The following HDGFL3 variants were observed in gnomAD, a reference collection of about 807,000 sequenced individuals.
The protein encoded by HDGFL3 is hepatoma-derived growth factor-related protein 3.
In HDGFL3, 6 loss-of-function variants were observed where a neutral mutation model predicts 27.6. The ratio of observed to expected loss-of-function variants is 0.22; its 90% CI spans 0.12 to 0.43. HDGFL3 has a LOEUF of 0.43. HDGFL3 is among the 20% of genes least tolerant of loss of function. The pLI is 1.00. For synonymous variants in HDGFL3, 88 were observed against 88.9 expected (o/e 0.99, Z 0.05); for missense variants, 207 against 250.1 (o/e 0.83, Z 1.16).
At chr15:83,115,965 T>C in intron 3 of HDGFL3, 1 of 1,587,130 alleles carries the variant, frequency 6.3e-7, no homozygotes, top group East Asian at 2.2e-5. Context: ...TTAGTGATTA[T>C]GAGGTTTCAA....
intron 3 of HDGFL3, chr15:83,115,786 G>A: frequency 8.9e-7 from 1 of 1,121,312 alleles, no homozygotes; most frequent in Non-Finnish European, 1.4e-6. Context: ...CTGATGCCAA[G>A]CTTGTAGTAA....
rs1446796969 is a variant in HDGFL3, at chr15:83,157,485, T to G, written c.389A>C (p.Glu130Ala). ...CTTTCTTTTGCCTTTTCCATCTTCT[T>G]CTACTCTATCACCTTCTTCCTCACT... Reference protein sequence around the residue: ...ASSEEEGDRVEEDGKGKRKNE... With the variant: ...ASSEEEGDRVAEDGKGKRKNE... Residue 130 changes from glutamate (E) to alanine (A), a missense_variant, in exon 4 of 6, where the codon GAA becomes GCA. Glu to Ala is a moderately radical substitution (Grantham distance 107, BLOSUM62 -1). Transcript: ENST00000299633. 1 of 1,613,168 alleles carries G rather than the reference T, an allele frequency of 6.2e-7. No homozygotes were observed. The highest frequency in any genetic ancestry group is 8.5e-7 in the Non-Finnish European group (1 of 1,179,232).
At chr15:83,144,260 T>A (rs2036845224) in intron 5 of HDGFL3, among the ~76,000 whole-genome samples, 2 of 152,248 alleles carry the variant, frequency 1.3e-5, no homozygotes. Context: ...GAGCCAGTTC[T>A]AATCCTCTTG....
Position 83,136,325 on chromosome 15 carries a change from A to G in HDGFL3, c.*2945T>C. On this transcript the variant is annotated 3_prime_UTR_variant, in exon 6 of 6. Transcript: ENST00000299633. ...ACTAAATTTAATGAAAGACTCTGACATTAAAGACTCTGGATTGTTTGAAGG... is the reference window on the plus strand; with the variant it reads ...ACTAAATTTAATGAAAGACTCTGACGTTAAAGACTCTGGATTGTTTGAAGG... The G allele has an allele frequency of 2.0e-6, 1 of 493,892 alleles. No individual in the cohort carries two copies. The allele number at this position is 493,892 out of a possible 1,614,324, so 30.6% of individuals were successfully genotyped here.
Position 83,207,423 on chromosome 15 carries a change from C to T in HDGFL3, c.-9G>A, listed in dbSNP as rs2037736696. On this transcript the variant is annotated 5_prime_UTR_variant, in exon 1 of 6. Transcript: ENST00000299633. This position sits in a 1 kb window ranked among gnomAD's most constrained non-coding sequence, Gnocchi z 4.8. ...GGCCGCGGACGCGCCATCCCAGCCG[C>T]TCCCCTTCCTGGTAGTCCTTGGTCG... 4 of 1,323,768 alleles carry T rather than the reference C, an allele frequency of 3.0e-6. No homozygotes were observed. The highest frequency in any genetic ancestry group is 2.9e-6 in the Non-Finnish European group (3 of 1,031,412). 82.0% of individuals were successfully genotyped at this position (1,323,768 alleles called of 1,614,324 possible).
rs1435942314 is a variant in HDGFL3, at chr15:83,129,374, AG to A, written c.*9895del. ...GCAAAGATCATGTGGGATATTTTCA[AG>A]GTCCAGGCCTGGCACCAGGTCAACT... On this transcript the variant is annotated 3_prime_UTR_variant, in exon 6 of 6. Coordinates refer to ENST00000299633, the MANE Select transcript of HDGFL3 (RefSeq NM_016073.4). 6.6e-6 allele frequency: 1 copy of A among 152,228 alleles called. No individual in the cohort carries two copies. Among genetic ancestry groups the A allele is most frequent in the Non-Finnish European group, 1.5e-5 (1 of 68,042 alleles). The allele number at this position is 152,228 out of a possible 1,614,324, so 9.4% of individuals were successfully genotyped here. A position where few individuals can be genotyped will look rare whatever the true frequency, so the allele number is the denominator to read the frequency against.
At chr15:83,173,000 G>C (rs1373433303) in intron 1 of HDGFL3, among the ~76,000 whole-genome samples, 2 of 152,188 alleles carry the variant, frequency 1.3e-5, no homozygotes, top group African/African-American at 4.8e-5. Context: ...TCACGTAGAA[G>C]TGGACCCACA....
intron 5 of HDGFL3, among the ~76,000 whole-genome samples, chr15:83,146,400 T>C (rs1276240934): frequency 6.6e-6 from 1 of 152,192 alleles, no homozygotes; most frequent in African/African-American, 2.4e-5. Flanking sequence ...GAAATACTAG[T>C]AGCACCTGCA....
At chr15:83,193,547 T>C (rs2037536863) in intron 1 of HDGFL3, among the ~76,000 whole-genome samples, 1 of 152,084 alleles carries the variant, frequency 6.6e-6, no homozygotes, top group Admixed American at 6.6e-5. Context: ...ACAAATACAA[T>C]TACCATATTG....
rs1651747094 is a variant in HDGFL3, at chr15:83,207,196, G to C, written c.84+135C>G. The C allele has an allele frequency of 2.0e-6, 1 of 504,674 alleles. No individual in the cohort carries two copies. Among genetic ancestry groups the C allele is most frequent in the Non-Finnish European group, 3.1e-6 (1 of 323,784 alleles). 31.3% of individuals were successfully genotyped at this position (504,674 alleles called of 1,614,324 possible). A position where few individuals can be genotyped will look rare whatever the true frequency, so the allele number is the denominator to read the frequency against. ...CCCGGCCCGGTCTTCTTCGTGCCGCGCCGCCCTCAGCCCTCACCACAGCCG... is the reference window on the plus strand; with the variant it reads ...CCCGGCCCGGTCTTCTTCGTGCCGCCCCGCCCTCAGCCCTCACCACAGCCG... On this transcript the variant is annotated intron_variant, in intron 1 of 5. Coordinates refer to ENST00000299633, the MANE Select transcript of HDGFL3 (RefSeq NM_016073.4). The surrounding 1 kb of genome is among the most constrained non-coding windows in gnomAD (Gnocchi z 4.8).
intron 1 of HDGFL3, among the ~76,000 whole-genome samples, chr15:83,197,323 T>G (rs1263914454): frequency 6.6e-6 from 1 of 152,208 alleles, no homozygotes; most frequent in Non-Finnish European, 1.5e-5. Context: ...ACATTTTACA[T>G]ATTTTATGTG....
chr15:83,196,092 T>C (rs950472485), intron 1 of HDGFL3, among the ~76,000 whole-genome samples: 2 of 151,894 alleles, frequency 1.3e-5, no homozygotes, highest in African/African-American at 4.8e-5. Context: ...AGAAATATAA[T>C]AGATATGTTA....
At chr15:83,164,367 CAA>C (rs869303457) in intron 1 of HDGFL3, among the ~76,000 whole-genome samples, 7,551 of 37,856 alleles carry the variant, frequency 0.2, 119 homozygotes, top group African/African-American at 0.28. Flanking sequence ...TTAGAGTAAC[CAA>C]AAAAAAAAAA....
rs566226727 is a variant in HDGFL3 at position 83,127,818 on chromosome 15, T to C, written c.*11452A>G. On this transcript the variant is annotated 3_prime_UTR_variant, in exon 6 of 6. Transcript: ENST00000299633. ...AATACCATGGCTACTAAAAAAGGATTGAGAGCTGTCACCTTCAAAATGTCC... is the reference window on the plus strand; with the variant it reads ...AATACCATGGCTACTAAAAAAGGATCGAGAGCTGTCACCTTCAAAATGTCC... 7.4e-6 allele frequency: 2 copies of C among 269,974 alleles called. No homozygotes were observed. Among genetic ancestry groups the C allele is most frequent in the Admixed American group, 5.8e-5 (1 of 17,120 alleles). 16.7% of individuals were successfully genotyped at this position (269,974 alleles called of 1,614,324 possible). A position where few individuals can be genotyped will look rare whatever the true frequency, so the allele number is the denominator to read the frequency against.
intron 5 of HDGFL3, chr15:83,144,627 A>C (rs2036854580): frequency 2.3e-6 from 1 of 426,260 alleles, no homozygotes; most frequent in Non-Finnish European, 4.7e-6. Flanking sequence ...CCAGTCCAAC[A>C]ACCGTGAGGA....
chr15:83,184,255 A>G (rs1011534713), intron 1 of HDGFL3, among the ~76,000 whole-genome samples: 2 of 152,224 alleles, frequency 1.3e-5, no homozygotes, highest in African/African-American at 4.8e-5. Context: ...AGTCTGATAA[A>G]TAGGGCTTTC....
intron 1 of HDGFL3, among the ~76,000 whole-genome samples, chr15:83,177,980 T>C (rs1012226791): frequency 6.6e-6 from 1 of 152,210 alleles, no homozygotes; most frequent in Non-Finnish European, 1.5e-5. Flanking sequence ...TGTTTATTAA[T>C]GGGAAAAGAT....
intron 3 of HDGFL3, chr15:83,119,782 A>G: frequency 6.4e-7 from 1 of 1,559,214 alleles, no homozygotes; most frequent in Non-Finnish European, 8.7e-7. Context: ...AAGCAGGTAT[A>G]CTGGACATGA....
At chr15:83,167,140 AAC>A (rs1176554834) in intron 1 of HDGFL3, among the ~76,000 whole-genome samples, 8 of 152,356 alleles carry the variant, frequency 5.3e-5, no homozygotes, top group Admixed American at 1.3e-4. Flanking sequence ...TCTTAGATGT[AAC>A]GACACCCATA....
Sources: gnomAD v4.1 joint callset for allele counts (sites outside exome capture counted in the v4.1 genomes callset) on GRCh38, gnomAD v4.1.1 for gene constraint, Gnocchi (gnomAD v3.1) non-coding constraint, MANE v1.5 for transcripts, NCBI Gene and HGNC (gene_info 2026-07-23, HGNC 2026-07-21) for gene names.